ANKRD6: variants seen among roughly 807,000 people sequenced by gnomAD.
ANKRD6 encodes the protein ankyrin repeat domain 6.
In ANKRD6, 56 loss-of-function variants were observed where a neutral mutation model predicts 82.3. The observed-to-expected ratio is 0.68, with a 90% CI of 0.55 to 0.85. The LOEUF (loss-of-function observed/expected upper bound fraction) is 0.85, where lower values mean the gene tolerates loss of function less well. ANKRD6 is among the 40% of genes least tolerant of loss of function. ANKRD6 has a pLI of 0.00. For synonymous variants in ANKRD6, 347 were observed against 352.1 expected (o/e 0.99, Z 0.16); for missense variants, 852 against 907.6 (o/e 0.94, Z 0.79).
At chr6:89,437,759 A>T (rs1044700570) in intron 1 of ANKRD6, among the ~76,000 whole-genome samples, 7 of 152,188 alleles carry the variant, frequency 4.6e-5, no homozygotes, top group Admixed American at 4.6e-4. Flanking sequence ...GAATTTACTT[A>T]ATAAGTAGGT....
intron 1 of ANKRD6, among the ~76,000 whole-genome samples, chr6:89,494,961 A>C (rs894451768): frequency 6.6e-6 from 1 of 152,178 alleles, no homozygotes; most frequent in Non-Finnish European, 1.5e-5. Context: ...AAGGCCGGGC[A>C]CGGTGGCTCA....
Position 89,613,833 on chromosome 6 carries a change from C to G in ANKRD6, c.558C>G (p.His186Gln), listed in dbSNP as rs1800830117. The stretch of plus-strand genomic sequence containing the variant: ...TGCACGTTGCTGCGCGCTATAATCA[C>G]TTGTCCATCATTAGGCTCCTCCTCA... ...TCLHVAARYN[H>Q]LSIIRLLLTA... The change falls in exon 7 of 16, where the codon CAC becomes CAG. Residue 186 changes from histidine (H) to glutamine (Q), a missense_variant. His to Gln is a conservative substitution (Grantham distance 24). Coordinates refer to ENST00000339746, the MANE Select transcript of ANKRD6 (RefSeq NM_001242809.2). 9 of 1,614,062 alleles carry G rather than the reference C, an allele frequency of 5.6e-6. No individual in the cohort carries two copies. The East Asian group carries it at 2.0e-4, about 36-fold the overall frequency.
chr6:89,614,051 C>T (rs1800886995), intron 7 of ANKRD6, among the ~76,000 whole-genome samples, 161 bp downstream of exon 7: 1 of 152,222 alleles, frequency 6.6e-6, no homozygotes, highest in Non-Finnish European at 1.5e-5. Context: ...ACACTGAGTT[C>T]TAGTGGCCCT....
At chr6:89,609,889 G>A (rs560054163) in intron 5 of ANKRD6, among the ~76,000 whole-genome samples, 164 of 152,264 alleles carry the variant, frequency 1.1e-3, no homozygotes, top group Non-Finnish European at 2.0e-3. Flanking sequence ...GATTACAGGC[G>A]TGAACCACTG....
chr6:89,628,710 C>T, intron 14 of ANKRD6: 1 of 235,320 alleles, frequency 4.2e-6, no homozygotes, highest in South Asian at 5.6e-5. Flanking sequence ...GCAGAGCTTG[C>T]AGTGAGCCGA....
intron 1 of ANKRD6, among the ~76,000 whole-genome samples, chr6:89,564,536 T>TG (rs1788058537): frequency 1.3e-5 from 2 of 152,112 alleles, no homozygotes; most frequent in South Asian, 4.1e-4. Context: ...ATTCATTGCA[T>TG]GGGACTGGAG....
chr6:89,586,943 C>G (rs1047053536), intron 2 of ANKRD6, among the ~76,000 whole-genome samples: 9 of 152,042 alleles, frequency 5.9e-5, no homozygotes, highest in Non-Finnish European at 1.2e-4. Context: ...AATCCTAGCA[C>G]TTTGGGAGGC....
chr6:89,443,431 A>G (rs1253816781), intron 1 of ANKRD6, among the ~76,000 whole-genome samples: 2 of 152,188 alleles, frequency 1.3e-5, no homozygotes, highest in Non-Finnish European at 2.9e-5. Flanking sequence ...ACATTTAACA[A>G]TCACCCCAGA....
chr6:89,615,953 G>C (rs1801467138), intron 7 of ANKRD6, among the ~76,000 whole-genome samples: 1 of 152,172 alleles, frequency 6.6e-6, no homozygotes, highest in Admixed American at 6.5e-5. Flanking sequence ...GTAAGATGTA[G>C]AAAACAGTTG....
At position 89,630,727 on chromosome 6, in the gene ANKRD6, C is replaced by T. The variant is rs61739327; in HGVS notation, c.1907C>T (p.Pro636Leu). The change falls in exon 16 of 16, where the codon CCC becomes CTC. Residue 636 changes from proline (P) to leucine (L), a missense_variant. Pro to Leu is a moderately conservative substitution (Grantham distance 98). Coordinates refer to ENST00000339746, the MANE Select transcript of ANKRD6 (RefSeq NM_001242809.2). ...CCAACAAGGCATCGTGCCCAGCAACCCGCAGCCAGCAGCACCTGTGGGCAG... is the reference window on the plus strand; with the variant it reads ...CCAACAAGGCATCGTGCCCAGCAACTCGCAGCCAGCAGCACCTGTGGGCAG... ...SGPTRHRAQQ[P>L]AASSTCGQPP... 0.13 allele frequency: 208,168 copies of T among 1,613,606 alleles called. 14,490 individuals carry two copies. Among genetic ancestry groups the T allele is most frequent in the South Asian group, 0.17 (15,146 of 91,068 alleles).
chr6:89,458,129 T>G (rs116323643), intron 1 of ANKRD6, among the ~76,000 whole-genome samples: 1,884 of 152,308 alleles, frequency 0.012, 42 homozygotes, highest in African/African-American at 0.043. Flanking sequence ...CTGTGAGAGA[T>G]AAATGTTTGT....
chr6:89,487,271 G>A (rs1044535253), intron 1 of ANKRD6, among the ~76,000 whole-genome samples: 29 of 152,082 alleles, frequency 1.9e-4, no homozygotes, highest in Admixed American at 1.6e-3. Context: ...ATTAAATATC[G>A]TCTTATCAGC....
intron 1 of ANKRD6, among the ~76,000 whole-genome samples, chr6:89,539,695 A>G (rs1784239054): frequency 6.6e-6 from 1 of 151,016 alleles, no homozygotes. Flanking sequence ...AAATGTAGTT[A>G]TTGACTATAG....
At chr6:89,457,540 CTCTA>C (rs923510072) in intron 1 of ANKRD6, among the ~76,000 whole-genome samples, 9 of 152,288 alleles carry the variant, frequency 5.9e-5, no homozygotes, top group East Asian at 3.8e-4. Context: ...TGCTTAATCT[CTCTA>C]TCTGACTAAC....
chr6:89,493,796 C>T (rs901996450), intron 1 of ANKRD6, among the ~76,000 whole-genome samples: 1 of 152,098 alleles, frequency 6.6e-6, no homozygotes, highest in Non-Finnish European at 1.5e-5. Flanking sequence ...CTCACAGAAT[C>T]CTTAATTTAA....
chr6:89,573,758 A>G (rs769711067), intron 2 of ANKRD6, among the ~76,000 whole-genome samples: 3 of 152,192 alleles, frequency 2.0e-5, no homozygotes, highest in Non-Finnish European at 4.4e-5. Context: ...GCAGTGCCTC[A>G]TCTTTGAACT....
intron 1 of ANKRD6, among the ~76,000 whole-genome samples, chr6:89,435,160 G>C (rs1025149364): frequency 6.6e-6 from 1 of 152,096 alleles, no homozygotes; most frequent in African/African-American, 2.4e-5. Context: ...AACTCCCAAG[G>C]CCTCCTTCTT....
At position 89,567,068 on chromosome 6, in the gene ANKRD6, A is replaced by G. The variant is rs1406633643; in HGVS notation, c.92A>G (p.Asn31Ser). The change falls in exon 2 of 16, where the codon AAC becomes AGC. Residue 31 changes from asparagine (N) to serine (S), a missense_variant. Asn to Ser is a conservative substitution (Grantham distance 46). Transcript: ENST00000339746. ...ACAGAGAATGTGGTTCAGCTCATCA[A>G]CAAGGGCGCCAGGGTAGCGGTTACC... The part of the protein sequence containing the change: ...GQTENVVQLI[N>S]KGARVAVTKH... The G allele has an allele frequency of 2.5e-6, 4 of 1,604,658 alleles. No homozygotes were observed. Among genetic ancestry groups the G allele is most frequent in the East Asian group, 2.2e-5 (1 of 44,644 alleles).
intron 2 of ANKRD6, among the ~76,000 whole-genome samples, chr6:89,580,789 C>T (rs1184968848): frequency 1.3e-5 from 2 of 152,160 alleles, no homozygotes; most frequent in East Asian, 3.8e-4. Flanking sequence ...AATGGCGTGG[C>T]CTGAACTCGT....
Sources: gnomAD v4.1 joint callset for allele counts (sites outside exome capture counted in the v4.1 genomes callset) on GRCh38, gnomAD v4.1.1 for gene constraint, MANE v1.5 for transcripts, NCBI Gene and HGNC (gene_info 2026-07-23, HGNC 2026-07-21) for gene names.